Variants in GPR158 observed in about 807,000 individuals in gnomAD.
GPR158 encodes the protein metabotropic glycine receptor.
GPR158 carries 30 observed loss-of-function variants against 78.2 expected under a neutral mutation model. The observed-to-expected ratio is 0.38, with a 90% confidence interval of 0.29 to 0.52. The LOEUF (loss-of-function observed/expected upper bound fraction) is 0.52. GPR158 is among the 20% of genes least tolerant of loss of function. The pLI is 0.83. For missense variants in GPR158, 1,463 were observed against 1,523.5 expected (o/e 0.96, Z 0.66); for synonymous variants, 581 against 591.1 (o/e 0.98, Z 0.25).
At chr10:25,443,783 G>A (rs989778022) in intron 4 of GPR158, among the ~76,000 whole-genome samples, 2 of 151,630 alleles carry the variant, frequency 1.3e-5, no homozygotes, top group Admixed American at 1.3e-4. Context: ...CTGAACACCT[G>A]CTGGTGTACT....
At chr10:25,293,096 C>G (rs1854463103) in intron 2 of GPR158, among the ~76,000 whole-genome samples, 1 of 152,168 alleles carries the variant, frequency 6.6e-6, no homozygotes, top group Non-Finnish European at 1.5e-5. Flanking sequence ...ACATTGATCT[C>G]TAAATGAAGC....
intron 6 of GPR158, among the ~76,000 whole-genome samples, 195 bp from the exon 7 acceptor site, chr10:25,572,453 GT>G (rs2130731686): frequency 6.6e-6 from 1 of 152,248 alleles, no homozygotes; most frequent in African/African-American, 2.4e-5. Flanking sequence ...GATTGTGCTT[GT>G]GAATAGCCAC....
At chr10:25,421,795 T>A (rs531318676) in intron 4 of GPR158, among the ~76,000 whole-genome samples, 1 of 152,132 alleles carries the variant, frequency 6.6e-6, no homozygotes, top group Admixed American at 6.5e-5. Flanking sequence ...TTTCCTTTTC[T>A]CCCCCTTCCC....
intron 5 of GPR158, among the ~76,000 whole-genome samples, chr10:25,487,046 A>G (rs1835744799): frequency 6.6e-6 from 1 of 152,074 alleles, no homozygotes; most frequent in African/African-American, 2.4e-5. Flanking sequence ...CCTTTCTTTT[A>G]TCCCCCTTTT....
At chr10:25,311,898 G>A (rs1450357475) in intron 2 of GPR158, among the ~76,000 whole-genome samples, 3 of 152,098 alleles carry the variant, frequency 2.0e-5, no homozygotes, top group African/African-American at 4.8e-5. Flanking sequence ...AACATGCAAA[G>A]CTAGTGAGAA....
intron 2 of GPR158, among the ~76,000 whole-genome samples, chr10:25,249,067 CTT>C (rs2130718016): frequency 6.6e-6 from 1 of 151,980 alleles, no homozygotes; most frequent in Admixed American, 6.6e-5. Context: ...ATTTTATTCT[CTT>C]TGAAGCAATT....
chr10:25,189,089 A>G (rs919476350), intron 1 of GPR158, among the ~76,000 whole-genome samples: 13 of 152,350 alleles, frequency 8.5e-5, no homozygotes, highest in African/African-American at 3.1e-4. Flanking sequence ...GTGAGATACC[A>G]TCTCACACCA....
intron 2 of GPR158, among the ~76,000 whole-genome samples, chr10:25,298,604 C>T (rs1272875596): frequency 6.6e-6 from 1 of 152,094 alleles, no homozygotes; most frequent in Non-Finnish European, 1.5e-5. Context: ...TTTCCTTTAT[C>T]AGCTCAGCCA....
intron 5 of GPR158, among the ~76,000 whole-genome samples, chr10:25,491,144 T>A (rs768749678): frequency 6.6e-6 from 1 of 152,138 alleles, no homozygotes; most frequent in Admixed American, 6.6e-5. Context: ...TGTGTGTGTA[T>A]CAAAAATTAT....
chr10:25,234,549 A>G (rs1853497062), intron 2 of GPR158, among the ~76,000 whole-genome samples: 1 of 152,154 alleles, frequency 6.6e-6, no homozygotes, highest in Non-Finnish European at 1.5e-5. Flanking sequence ...ATGCCAAAGG[A>G]TGGAATATTC....
intron 2 of GPR158, among the ~76,000 whole-genome samples, chr10:25,314,438 C>T (rs973337547): frequency 6.6e-6 from 1 of 152,040 alleles, no homozygotes; most frequent in Non-Finnish European, 1.5e-5. Context: ...GCATCTATGC[C>T]TTTTTAATTT....
intron 6 of GPR158, among the ~76,000 whole-genome samples, chr10:25,565,761 GGT>G (rs1212029776): frequency 6.6e-6 from 1 of 152,184 alleles, no homozygotes; most frequent in Non-Finnish European, 1.5e-5. Flanking sequence ...TAACGCTTAA[GGT>G]TCTTGCCTAG....
rs1853598686 is a variant in GPR158, at chr10:25,241,125, T to TTTTCTCTTTC, written c.1008+19973_1008+19974insCTTTCTTTCT. Among the ~76,000 whole-genome samples the TTTTCTCTTTC allele has an allele frequency of 1.4e-4, 15 of 108,450 alleles. 1 individual carries two copies. The highest frequency in any genetic ancestry group is 4.8e-4 in the African/African-American group (13 of 27,082). The allele number at this position is 108,450 out of a possible 152,430, so 71.1% of individuals were successfully genotyped here. On this transcript the variant is annotated intron_variant, in intron 2 of 10. Coordinates refer to ENST00000376351, the MANE Select transcript of GPR158 (RefSeq NM_020752.3). ...ACCAAATATTGAATTTTTACTTTGA[T>TTTTCTCTTTC]TTTCTTTCTTTCTTTCTTTCTTTCT...
In GPR158 at chr10:25,483,277, T is replaced by C. The variant is rs115643432; in HGVS notation, c.1404+16558T>C. Among the ~76,000 whole-genome samples, 701 of 152,216 alleles carry C rather than the reference T, an allele frequency of 4.6e-3. 8 individuals are homozygous for C. The highest frequency in any genetic ancestry group is 0.016 in the African/African-American group (669 of 41,558). ...CTCCTGTAACACTATCTCTTCACCC[T>C]GCTCATCTTTTCCAGTAACACTGGG... is the stretch of plus-strand genomic sequence containing the variant. On this transcript the variant is annotated intron_variant, in intron 5 of 10. Coordinates refer to ENST00000376351, the MANE Select transcript of GPR158 (RefSeq NM_020752.3).
At position 25,253,268 on chromosome 10, in the gene GPR158, G is replaced by C. The variant is rs139336466; in HGVS notation, c.1008+32111G>C. ...CTCAGATGGAAATGCAGAAATCACC[G>C]GTCTTCTGCGTCGGTCACGCTGGGA... On this transcript the variant is annotated intron_variant, in intron 2 of 10. Transcript: ENST00000376351. Among the ~76,000 whole-genome samples, 127 of 151,676 alleles carry C rather than the reference G, an allele frequency of 8.4e-4. 2 individuals are homozygous for C. Among genetic ancestry groups the C allele is most frequent in the African/African-American group, 2.8e-3 (115 of 41,288 alleles).
intron 2 of GPR158, among the ~76,000 whole-genome samples, chr10:25,391,816 A>G (rs1284516053): frequency 6.6e-6 from 1 of 152,092 alleles, no homozygotes; most frequent in African/African-American, 2.4e-5. Context: ...CTGGGGTGGA[A>G]TGATATGGTT....
chr10:25,453,606 T>C (rs911169505), intron 4 of GPR158, among the ~76,000 whole-genome samples: 4 of 152,244 alleles, frequency 2.6e-5, no homozygotes, highest in African/African-American at 9.6e-5. Flanking sequence ...ATGTGTATTA[T>C]GTGATGTGAG....
Position 25,600,810 on chromosome 10 carries a change from T to A in GPR158, c.*1536T>A, listed in dbSNP as rs1467050543. The A allele has an allele frequency of 3.3e-5, 5 of 152,238 alleles. No individual in the cohort carries two copies. The highest frequency in any genetic ancestry group is 1.2e-4 in the African/African-American group (5 of 41,438). The allele number at this position is 152,238 out of a possible 1,614,324, so 9.4% of individuals were successfully genotyped here. A position where few individuals can be genotyped will look rare whatever the true frequency, so the allele number is the denominator to read the frequency against. ...AAAGCAAAGCAGCCCCCAAAGCATA[T>A]TTTATAAAGCTTATTGCATTCCACA... On this transcript the variant is annotated 3_prime_UTR_variant, in exon 11 of 11. Coordinates refer to ENST00000376351, the MANE Select transcript of GPR158 (RefSeq NM_020752.3).
At chr10:25,266,372 T>C (rs1854045076) in intron 2 of GPR158, among the ~76,000 whole-genome samples, 1 of 152,112 alleles carries the variant, frequency 6.6e-6, no homozygotes, top group African/African-American at 2.4e-5. Context: ...ATGGATGCCT[T>C]TGTGGGCCCT....
Sources: gnomAD v4.1 joint callset for allele counts (sites outside exome capture counted in the v4.1 genomes callset) on GRCh38, gnomAD v4.1.1 for gene constraint, MANE v1.5 for transcripts, NCBI Gene and HGNC (gene_info 2026-07-23, HGNC 2026-07-21) for gene names.